Variants in OR2L5 observed in about 807,000 individuals in gnomAD.
The protein encoded by OR2L5 is olfactory receptor family 2 subfamily L member 5, also known as olfactory receptor 2L5.
For missense variants in OR2L5, 413 were observed against 381.6 expected, an observed-to-expected ratio of 1.08 and a Z score of -0.69; for synonymous variants, 169 against 142.0, an observed-to-expected ratio of 1.19 and a Z score of -1.35.
intron 1 of OR2L5, among the ~76,000 whole-genome samples, chr1:248,016,614 G>T (rs57045576): frequency 0.032 from 4,792 of 151,950 alleles, 230 homozygotes; most frequent in African/African-American, 0.11. Context: ...TATTTTTGTT[G>T]TGGGTAATTA....
chr1:248,022,837 T>G lies in OR2L5; in HGVS notation c.890T>G (p.Met297Arg). The G allele has an allele frequency of 1.9e-6, 3 of 1,613,400 alleles. No homozygotes were observed. The highest frequency in any genetic ancestry group is 2.5e-6 in the Non-Finnish European group (3 of 1,179,750). The change falls in exon 2 of 2, where the codon ATG becomes AGG. Residue 297 changes from methionine to arginine, a missense_variant. By Grantham distance (91) the Met-to-Arg change is moderately conservative. Coordinates refer to ENST00000355281, the MANE Select transcript of OR2L5 (RefSeq NM_001258284.2). ...TACAGCCTGAGAAACAAGGAGGTGA[T>G]GGGGGCCCTGACACGAGTGATTCAG... is the stretch of plus-strand genomic sequence containing the variant. ...IIYSLRNKEVMGALTRVIQNI... is the reference protein window; with the variant it reads ...IIYSLRNKEVRGALTRVIQNI...
chr1:248,016,291 C>T (rs778223404), intron 1 of OR2L5, among the ~76,000 whole-genome samples: 1 of 152,142 alleles, frequency 6.6e-6, no homozygotes, highest in Admixed American at 6.5e-5. Flanking sequence ...ACTTGATTTA[C>T]ACAGGAGATT....
Position 248,019,912 on chromosome 1 carries a change from C to T in OR2L5, c.-21-2015C>T, listed in dbSNP as rs145311210. 5.1e-3 allele frequency among the ~76,000 whole-genome samples: 777 copies of T among 152,176 alleles called. 6 individuals are homozygous for T. Among genetic ancestry groups the T allele is most frequent in the African/African-American group, 0.017 (699 of 41,516 alleles). ...AGCAATCCTCCCACCTCAGCCTCCC[C>T]AAGTAGCTGGGACTACTGGTGCGAG... On this transcript the variant is annotated intron_variant, in intron 1 of 1. Coordinates refer to ENST00000355281, the MANE Select transcript of OR2L5 (RefSeq NM_001258284.2).
At chr1:248,016,933 A>G (rs918225873) in intron 1 of OR2L5, among the ~76,000 whole-genome samples, 1 of 152,112 alleles carries the variant, frequency 6.6e-6, no homozygotes, top group Non-Finnish European at 1.5e-5. Flanking sequence ...TTAGGATTAA[A>G]TCTAATGGAA....
chr1:248,020,728 T>A (rs940580001), intron 1 of OR2L5, among the ~76,000 whole-genome samples: 1 of 152,112 alleles, frequency 6.6e-6, no homozygotes, highest in African/African-American at 2.4e-5. Context: ...AATAATGATG[T>A]CTGACTTAGA....
At chr1:248,015,258 C>A (rs1456828904) in intron 1 of OR2L5, among the ~76,000 whole-genome samples, 1 of 152,156 alleles carries the variant, frequency 6.6e-6, no homozygotes, top group East Asian at 1.9e-4. Context: ...ACATTATGTA[C>A]TGTGTCTCTT....
At chr1:248,021,856 G>A (rs529529973) in intron 1 of OR2L5, 71 bp from the exon 2 acceptor site, 2 of 935,720 alleles carry the variant, frequency 2.1e-6, no homozygotes, top group South Asian at 3.2e-5. Context: ...ATTCACTGGA[G>A]GCCTTGGAAT....
intron 1 of OR2L5, among the ~76,000 whole-genome samples, chr1:248,016,112 A>G (rs2103073156): frequency 6.6e-6 from 1 of 152,314 alleles, no homozygotes; most frequent in Non-Finnish European, 1.5e-5. Flanking sequence ...AATTACTTAA[A>G]TTAGGCTATT....
At chr1:248,016,245 G>T (rs1392170809) in intron 1 of OR2L5, among the ~76,000 whole-genome samples, 1 of 152,172 alleles carries the variant, frequency 6.6e-6, no homozygotes, top group Non-Finnish European at 1.5e-5. Context: ...ACCATTTGTA[G>T]AATTGTAATT....
In OR2L5 at chr1:248,024,188, T is replaced by G. The variant is rs966410503; in HGVS notation, c.*1302T>G. On this transcript the variant is annotated 3_prime_UTR_variant, in exon 2 of 2. Transcript: ENST00000355281. The stretch of plus-strand genomic sequence containing the variant: ...TTTTAAGCCCCATATGCTTTAGGTA[T>G]TTGTCCTAATGCTCTCCCTCCCCTT... The G allele has an allele frequency of 1.3e-5, 2 of 152,136 alleles. No homozygotes were observed. The highest frequency in any genetic ancestry group is 4.8e-5 in the African/African-American group (2 of 41,442). The allele number at this position is 152,136 out of a possible 1,614,324, so 9.4% of individuals were successfully genotyped here.
chr1:248,022,533 T>A lies in OR2L5; in HGVS notation c.586T>A (p.Tyr196Asn). 2 of 1,614,172 alleles carry A rather than the reference T, an allele frequency of 1.2e-6. No individual in the cohort carries two copies. Among genetic ancestry groups the A allele is most frequent in the Non-Finnish European group, 1.7e-6 (2 of 1,180,026 alleles). The stretch of plus-strand genomic sequence containing the variant: ...CTGTACAGACACCTGGGTCTATGAG[T>A]ACACAGTGTTTTTGAGCAGCACCAT... ...LACTDTWVYE[Y>N]TVFLSSTIFL... The change falls in exon 2 of 2, where the codon TAC becomes AAC. Residue 196 changes from tyrosine to asparagine, a missense_variant. Tyr to Asn is a moderately radical substitution (Grantham distance 143). Coordinates refer to ENST00000355281, the MANE Select transcript of OR2L5 (RefSeq NM_001258284.2).
At chr1:248,020,780 ATTTAT>A (rs1662315924) in intron 1 of OR2L5, among the ~76,000 whole-genome samples, 1 of 151,850 alleles carries the variant, frequency 6.6e-6, no homozygotes, top group South Asian at 2.1e-4. Context: ...TATAACTTTC[ATTTAT>A]TTCATTTCAT....
In OR2L5 at chr1:248,014,156, G is replaced by A. The variant is rs558715068; in HGVS notation, c.-22+418G>A. ...AGTGGTGAGTAATTAATTATATGATGCTTATAATAATCTTATTGCTGTTTC... is the reference window on the plus strand; with the variant it reads ...AGTGGTGAGTAATTAATTATATGATACTTATAATAATCTTATTGCTGTTTC... On this transcript the variant is annotated intron_variant, in intron 1 of 1. Transcript: ENST00000355281. 3.9e-5 allele frequency among the ~76,000 whole-genome samples: 6 copies of A among 152,120 alleles called. No individual in the cohort carries two copies. In the South Asian group the frequency reaches 1.2e-3, roughly 32 times the overall value.
At chr1:248,019,734 T>TTCCTTC (rs79148635) in intron 1 of OR2L5, among the ~76,000 whole-genome samples, 254 of 151,058 alleles carry the variant, frequency 1.7e-3, no homozygotes, top group Middle Eastern at 6.8e-3. Context: ...TCCTCCTTCC[T>TTCCTTC]TCCTTCTCCT....
At chr1:248,017,723 G>A (rs191058660) in intron 1 of OR2L5, among the ~76,000 whole-genome samples, 158 of 152,246 alleles carry the variant, frequency 1.0e-3, no homozygotes, top group African/African-American at 3.6e-3. Context: ...ACCATCGCAG[G>A]CAGAGCTGGG....
rs770900312 is a variant in OR2L5, at chr1:248,022,913, C to A, written c.*27C>A. The A allele has an allele frequency of 5.3e-5, 83 of 1,569,064 alleles. No individual in the cohort carries two copies. The highest frequency in any genetic ancestry group is 3.2e-4 in the Admixed American group (17 of 53,666). On this transcript the variant is annotated 3_prime_UTR_variant, in exon 2 of 2. Transcript: ENST00000355281. ...CATACGTTCTGTGTTAGAGTCAAAG[C>A]GCTAGGTTCATATCAACTCAGCAGT...
Position 248,014,425 on chromosome 1 carries a change from C to A in OR2L5, c.-22+687C>A, listed in dbSNP as rs1168509913. Among the ~76,000 whole-genome samples the A allele has an allele frequency of 2.6e-5, 4 of 152,046 alleles. No individual in the cohort carries two copies. In the East Asian group the frequency reaches 5.8e-4, roughly 22 times the overall value. On this transcript the variant is annotated intron_variant, in intron 1 of 1. Coordinates refer to ENST00000355281, the MANE Select transcript of OR2L5 (RefSeq NM_001258284.2). ...GGTATCCAAATTTTGTTTTTACACC[C>A]AATTTGTGACAAATTGTAGTGCTTT...
chr1:248,013,845 C>T (rs1369236169), intron 1 of OR2L5, 107 bp downstream of exon 1: 2 of 152,072 alleles, frequency 1.3e-5, no homozygotes, highest in African/African-American at 4.8e-5. Flanking sequence ...GAAGTTTGAG[C>T]ACTAGTAATT....
chr1:248,019,079 A>G lies in OR2L5; in HGVS notation c.-21-2848A>G, dbSNP rs139725392. 1.8e-3 allele frequency among the ~76,000 whole-genome samples: 278 copies of G among 152,218 alleles called. 1 individual carries two copies. The highest frequency in any genetic ancestry group is 3.1e-3 in the Non-Finnish European group (212 of 68,004). On this transcript the variant is annotated intron_variant, in intron 1 of 1. Coordinates refer to ENST00000355281, the MANE Select transcript of OR2L5 (RefSeq NM_001258284.2). ...TTGTTTCTGCCTTTGGGGTATTGTG[A>G]TAATACTGCTGTGAATGTGGCCATA...
Sources: allele counts gnomAD v4.1 joint callset (sites outside exome capture counted in the v4.1 genomes callset), GRCh38; gene constraint gnomAD v4.1.1; transcripts MANE v1.5; gene names NCBI Gene and HGNC (gene_info 2026-07-23, HGNC 2026-07-21).